The following PDS5A variants were observed in gnomAD, a reference collection of about 807,000 sequenced individuals.
PDS5A encodes the protein PDS5 cohesin associated factor A, also known as sister chromatid cohesion protein PDS5 homolog A.
PDS5A carries 42 observed loss-of-function variants against 167.1 expected under a neutral mutation model. The observed-to-expected ratio is 0.25, with a 90% CI of 0.20 to 0.33. PDS5A has a LOEUF of 0.33. Among genes scored for constraint, PDS5A ranks in the 10% least tolerant of loss-of-function variants. PDS5A has a pLI of 1.00. For missense variants in PDS5A, 1,033 were observed against 1,605.9 expected, an observed-to-expected ratio of 0.64 and a Z score of 6.10; for synonymous variants, 553 against 554.6, an observed-to-expected ratio of 1.00 and a Z score of 0.04.
rs756511341 is a variant in PDS5A at position 39,917,171 on chromosome 4, C to T, written c.753G>A (p.Leu251=). Residue 251 remains leucine, a synonymous_variant, in exon 8 of 33, where the codon CTG becomes CTA. Coordinates refer to ENST00000303538, the MANE Select transcript of PDS5A (RefSeq NM_001100399.2). ...ACIANFFNQV[L]VLGRSSVSDL... ...CACTTACTGATGATCTTCCCAGCAC[C>T]AGGACTTGATTGAAAAACTGTAAGA... 1.9e-6 allele frequency: 3 copies of T among 1,554,044 alleles called. No individual in the cohort carries two copies. The Admixed American group carries it at 6.5e-5, about 34-fold the overall frequency.
chr4:39,945,250 GGAGATCGAGA>G (rs1727637388), intron 2 of PDS5A, among the ~76,000 whole-genome samples: 1 of 151,888 alleles, frequency 6.6e-6, no homozygotes, highest in African/African-American at 2.4e-5. Flanking sequence ...CATGAGGTCA[GGAGATCGAGA>G]CCATCCTGGC....
chr4:39,877,213 ATT>A, intron 18 of PDS5A, 60 bp from the exon 19 acceptor site: 1 of 1,086,832 alleles, frequency 9.2e-7, no homozygotes, highest in Non-Finnish European at 1.3e-6. Context: ...TTAAAAAAGA[ATT>A]ACTTCCCGCA....
At chr4:39,910,189 T>G in intron 10 of PDS5A, 55 bp downstream of exon 10, 1 of 872,636 alleles carries the variant, frequency 1.1e-6, no homozygotes, top group Non-Finnish European at 1.9e-6. Flanking sequence ...ACAAGTCATA[T>G]CTACAATATA....
intron 32 of PDS5A, among the ~76,000 whole-genome samples, chr4:39,827,070 G>C (rs1037473575): frequency 6.6e-6 from 1 of 151,416 alleles, no homozygotes; most frequent in African/African-American, 2.4e-5. Context: ...GCATGATCTC[G>C]GCTCACCACA....
chr4:39,929,519 C>CTATATATATATATATATATATATA (rs58069502), intron 2 of PDS5A, among the ~76,000 whole-genome samples: 8 of 79,400 alleles, frequency 1.0e-4, no homozygotes, highest in South Asian at 3.1e-4. Context: ...ACTTAATAAA[C>CTATATATATATATATATATATATA]TATATATATA....
rs559982388 is a variant in PDS5A at position 39,862,203 on chromosome 4, AAAC to A, written c.3086+13_3086+15del. On this transcript the variant is annotated intron_variant, in intron 26 of 32. Coordinates refer to ENST00000303538, the MANE Select transcript of PDS5A (RefSeq NM_001100399.2). ...AAACATAATTTTTAGAGTTCTTGAA[AAAC>A]AACAAGACTTACTCTTTGATATCAC... 1.3e-4 allele frequency: 135 copies of A among 1,076,468 alleles called. 1 individual carries two copies. In the Middle Eastern group the frequency reaches 1.5e-3, roughly 12 times the overall value. 66.7% of individuals were successfully genotyped at this position (1,076,468 alleles called of 1,614,324 possible).
chr4:39,906,039 A>T (rs559957658), intron 11 of PDS5A, among the ~76,000 whole-genome samples: 1 of 152,176 alleles, frequency 6.6e-6, no homozygotes, highest in East Asian at 1.9e-4. Flanking sequence ...AAATTAAACT[A>T]TCAGTCCAAG....
chr4:39,834,645 G>C (rs1716226765), intron 32 of PDS5A, among the ~76,000 whole-genome samples: 1 of 152,196 alleles, frequency 6.6e-6, no homozygotes. Flanking sequence ...AGGACCCTCA[G>C]TTCTTTGGGG....
intron 19 of PDS5A, among the ~76,000 whole-genome samples, chr4:39,876,286 A>C (rs1361566759): frequency 2.0e-5 from 3 of 152,176 alleles, no homozygotes; most frequent in Non-Finnish European, 4.4e-5. Context: ...GTAACTTTTT[A>C]TTATTAGCCA....
Position 39,910,330 on chromosome 4 carries a change from T to A in PDS5A, c.1001A>T (p.Asp334Val). The A allele has an allele frequency of 1.4e-6, 2 of 1,453,848 alleles. No homozygotes were observed. Among genetic ancestry groups the A allele is most frequent in the Non-Finnish European group, 1.9e-6 (2 of 1,042,442 alleles). 90.1% of individuals were successfully genotyped at this position (1,453,848 alleles called of 1,614,324 possible). A position where few individuals can be genotyped will look rare whatever the true frequency, so the allele number is the denominator to read the frequency against. ...LWQCFLGRFN[D>V]IHVPVRLESV... is the part of the protein sequence containing the mutation. ...TTCTAATCTCACAGGAACATGAATA[T>A]CATTAAATCTACACAGAAAAAGATT... The change falls in exon 10 of 33, where the codon GAT becomes GTT. Residue 334 changes from aspartate to valine, a missense_variant. Asp to Val is a radical substitution (Grantham distance 152). Around this residue, in one of 4 missense-constraint regions of PDS5A, gnomAD observed 388 missense variants for 615.1 expected, o/e 0.63. Coordinates refer to ENST00000303538, the MANE Select transcript of PDS5A (RefSeq NM_001100399.2).
At chr4:39,918,473 G>A (rs1481557609) in intron 7 of PDS5A, among the ~76,000 whole-genome samples, 1 of 152,032 alleles carries the variant, frequency 6.6e-6, no homozygotes, top group East Asian at 1.9e-4. Flanking sequence ...TTTTTAAAAT[G>A]CCTCAGGGGC....
intron 19 of PDS5A, among the ~76,000 whole-genome samples, chr4:39,876,371 T>C (rs995042709): frequency 2.6e-4 from 39 of 152,286 alleles, no homozygotes; most frequent in African/African-American, 9.1e-4. Context: ...AGCTCACAAA[T>C]TTAATAAAAA....
At chr4:39,966,326 G>A (rs1051332556) in intron 2 of PDS5A, among the ~76,000 whole-genome samples, 3 of 152,144 alleles carry the variant, frequency 2.0e-5, no homozygotes, top group African/African-American at 7.2e-5. Context: ...TCCTCCTGGA[G>A]GAAAGCAAAG....
At position 39,849,671 on chromosome 4, in the gene PDS5A, A is replaced by G; in HGVS notation, c.3087-19T>C. On this transcript the variant is annotated intron_variant, in intron 26 of 32. Coordinates refer to ENST00000303538, the MANE Select transcript of PDS5A (RefSeq NM_001100399.2). ...TAGGCACCTAAATGTAAACATATTA[A>G]AGAGACTAGACGTAGATAGATGCTT... The G allele has an allele frequency of 6.3e-7, 1 of 1,584,940 alleles. No homozygotes were observed. The highest frequency in any genetic ancestry group is 1.3e-5 in the African/African-American group (1 of 74,500).
chr4:39,895,181 G>A (rs536575111), intron 16 of PDS5A, among the ~76,000 whole-genome samples: 3 of 124,638 alleles, frequency 2.4e-5, no homozygotes, highest in South Asian at 2.7e-4. Flanking sequence ...CAGCTTGGGC[G>A]ACAGTGAGAC....
intron 2 of PDS5A, among the ~76,000 whole-genome samples, chr4:39,949,534 C>G (rs991984678): frequency 1.3e-5 from 2 of 151,748 alleles, no homozygotes; most frequent in Non-Finnish European, 2.9e-5. Context: ...GATAACTGTT[C>G]TAAAACTGAC....
chr4:39,836,513 C>CA (rs1716405091), intron 32 of PDS5A, among the ~76,000 whole-genome samples: 1 of 152,006 alleles, frequency 6.6e-6, no homozygotes, highest in Admixed American at 6.6e-5. Context: ...CTGCTCACTG[C>CA]AACCTCTGCC....
At chr4:39,855,140 A>C (rs1166059902) in intron 26 of PDS5A, among the ~76,000 whole-genome samples, 1 of 152,196 alleles carries the variant, frequency 6.6e-6, no homozygotes, top group Non-Finnish European at 1.5e-5. Context: ...GAACTCTGGA[A>C]CCTCATGGGA....
intron 6 of PDS5A, among the ~76,000 whole-genome samples, chr4:39,920,870 T>C (rs1372231724): frequency 2.0e-5 from 3 of 152,218 alleles, no homozygotes; most frequent in South Asian, 2.1e-4. Flanking sequence ...TCTTGATCAA[T>C]TGTATTTTTG....
Sources: allele counts gnomAD v4.1 joint callset (sites outside exome capture counted in the v4.1 genomes callset), GRCh38; gene constraint gnomAD v4.1.1; regional missense constraint gnomAD v4.1.1; transcripts MANE v1.5; gene names NCBI Gene and HGNC (gene_info 2026-07-23, HGNC 2026-07-21).